CNTN3: variants seen among roughly 807,000 people sequenced by gnomAD.
CNTN3 encodes contactin-3.
CNTN3 carries 60 observed loss-of-function variants against 119.1 expected under a neutral mutation model. The observed-to-expected ratio is 0.50, with a 90% confidence interval of 0.41 to 0.62. The LOEUF (loss-of-function observed/expected upper bound fraction) is 0.62, where lower values mean the gene tolerates loss of function less well. Among genes scored for constraint, CNTN3 ranks in the 20% least tolerant of loss-of-function variants. The probability of loss-of-function intolerance (pLI) is 0.00; values close to 1 mark genes in which losing one functional copy is unlikely to be tolerated. For synonymous variants in CNTN3, 450 were observed against 438.7 expected (o/e 1.03, Z -0.32); for missense variants, 1,101 against 1,242.4 (o/e 0.89, Z 1.71).
chr3:74,349,605 C>G (rs1269169115), intron 11 of CNTN3, among the ~76,000 whole-genome samples: 1 of 152,114 alleles, frequency 6.6e-6, no homozygotes, highest in East Asian at 1.9e-4. Context: ...TTAAAACAGT[C>G]AATTTTCTTA....
rs182387246 is a variant in CNTN3 at position 74,547,158 on chromosome 3, C to T, written c.-80-25966G>A. On this transcript the variant is annotated intron_variant, in intron 1 of 22. Transcript: ENST00000263665. ...ATTCATTTACACGTACACATTCATGCACAAACATATACATACATTGAGGGT... is the reference window on the plus strand; with the variant it reads ...ATTCATTTACACGTACACATTCATGTACAAACATATACATACATTGAGGGT... Among the ~76,000 whole-genome samples the T allele has an allele frequency of 2.6e-5, 4 of 152,258 alleles. No individual in the cohort carries two copies. The East Asian group carries it at 7.7e-4, about 29-fold the overall frequency.
chr3:74,606,982 T>C (rs1243996748), intron 1 of CNTN3, among the ~76,000 whole-genome samples: 1 of 152,078 alleles, frequency 6.6e-6, no homozygotes, highest in African/African-American at 2.4e-5. Context: ...TGTACTCCAA[T>C]GAATAAAAGG....
intron 19 of CNTN3, among the ~76,000 whole-genome samples, chr3:74,285,790 G>GATATGTATATATATAT (rs1702099889): frequency 1.8e-5 from 1 of 56,514 alleles, no homozygotes; most frequent in Non-Finnish European, 4.0e-5. Context: ...ATGAAGGGGA[G>GATATGTATATATATAT]ATATATATAT....
chr3:74,574,659 T>C (rs992048841), intron 1 of CNTN3, among the ~76,000 whole-genome samples: 1 of 152,182 alleles, frequency 6.6e-6, no homozygotes, highest in Non-Finnish European at 1.5e-5. Context: ...CACATATAAC[T>C]TCAATCATTC....
intron 5 of CNTN3, among the ~76,000 whole-genome samples, chr3:74,423,992 T>A (rs1357406674): frequency 6.6e-6 from 1 of 152,210 alleles, no homozygotes; most frequent in Non-Finnish European, 1.5e-5. Context: ...TAAGTTTTAC[T>A]GTAATGAGAA....
intron 1 of CNTN3, among the ~76,000 whole-genome samples, chr3:74,612,686 C>T (rs1421524723): frequency 6.6e-6 from 1 of 152,176 alleles, no homozygotes; most frequent in Non-Finnish European, 1.5e-5. Context: ...CAGCAATTTG[C>T]TATATTTCCC....
rs1234893719 is a variant in CNTN3, at chr3:74,442,186, G to C, written c.359-17246C>G. Among the ~76,000 whole-genome samples the C allele has an allele frequency of 2.0e-3, 272 of 133,940 alleles. 2 individuals are homozygous for C. The highest frequency in any genetic ancestry group is 8.9e-3 in the African/African-American group (260 of 29,248). 87.9% of individuals were successfully genotyped at this position (133,940 alleles called of 152,430 possible). On this transcript the variant is annotated intron_variant, in intron 4 of 22. Transcript: ENST00000263665. ...ACACACACACACACACAGAGAGAGA[G>C]AGATTATTTTTATATCCCATGTGCT...
chr3:74,293,560 G>A (rs893002411), intron 19 of CNTN3, among the ~76,000 whole-genome samples: 4 of 151,998 alleles, frequency 2.6e-5, no homozygotes, highest in African/African-American at 9.7e-5. Context: ...CTGAAGCCTC[G>A]ACCTCCTGGG....
At chr3:74,307,450 T>C (rs898081950) in intron 13 of CNTN3, among the ~76,000 whole-genome samples, 8 of 152,190 alleles carry the variant, frequency 5.3e-5, no homozygotes, top group African/African-American at 1.9e-4. Flanking sequence ...TAAATGGATT[T>C]GTAAGCCAAA....
intron 10 of CNTN3, among the ~76,000 whole-genome samples, chr3:74,363,960 C>T (rs554634394): frequency 4.6e-4 from 70 of 152,080 alleles, no homozygotes; most frequent in Admixed American, 1.2e-3. Flanking sequence ...TCTTCTTTTT[C>T]TCCTATACCT....
chr3:74,289,043 C>A (rs372809708), intron 19 of CNTN3, among the ~76,000 whole-genome samples: 1 of 152,136 alleles, frequency 6.6e-6, no homozygotes, highest in Non-Finnish European at 1.5e-5. Flanking sequence ...AAGGAAGGAG[C>A]TATTAACAAT....
chr3:74,360,404 G>A (rs1404179203), intron 11 of CNTN3, among the ~76,000 whole-genome samples: 1 of 152,102 alleles, frequency 6.6e-6, no homozygotes, highest in Non-Finnish European at 1.5e-5. Context: ...CAAACAGAAT[G>A]GCTCCCAATC....
chr3:74,300,479 CTT>C, intron 16 of CNTN3, among the ~76,000 whole-genome samples: 1 of 152,150 alleles, frequency 6.6e-6, no homozygotes, highest in South Asian at 2.1e-4. Flanking sequence ...GAAGGTGGGT[CTT>C]TGGTATGGTC....
At chr3:74,279,568 T>C (rs922252214) in intron 20 of CNTN3, among the ~76,000 whole-genome samples, 17 of 151,382 alleles carry the variant, frequency 1.1e-4, no homozygotes, top group African/African-American at 3.2e-4. Context: ...TATGTTCTCA[T>C]TGATATGTGG....
intron 4 of CNTN3, among the ~76,000 whole-genome samples, chr3:74,458,778 T>C (rs1702313827): frequency 6.6e-6 from 1 of 152,060 alleles, no homozygotes; most frequent in Non-Finnish European, 1.5e-5. Flanking sequence ...CACTGGTATA[T>C]TTGTCAACAC....
chr3:74,453,410 T>C (rs1235624343), intron 4 of CNTN3, among the ~76,000 whole-genome samples: 6 of 152,098 alleles, frequency 3.9e-5, no homozygotes, highest in Non-Finnish European at 4.4e-5. Context: ...TCTCTCTTTT[T>C]TTCTTTATTA....
At chr3:74,342,360 G>T (rs1703570070) in intron 11 of CNTN3, among the ~76,000 whole-genome samples, 1 of 151,946 alleles carries the variant, frequency 6.6e-6, no homozygotes. Context: ...ATCCTATTTT[G>T]GGCTTTCATG....
intron 4 of CNTN3, among the ~76,000 whole-genome samples, chr3:74,476,141 T>A (rs971892425): frequency 6.6e-6 from 1 of 152,134 alleles, no homozygotes; most frequent in Non-Finnish European, 1.5e-5. Context: ...TCAATGTTAA[T>A]GAAGCAACAA....
intron 13 of CNTN3, among the ~76,000 whole-genome samples, chr3:74,320,304 G>A (rs1166177686): frequency 6.6e-6 from 1 of 152,182 alleles, no homozygotes; most frequent in East Asian, 1.9e-4. Flanking sequence ...TTAAGAAAAT[G>A]TGGCACATAT....
Sources: gnomAD v4.1 joint callset for allele counts (sites outside exome capture counted in the v4.1 genomes callset) on GRCh38, gnomAD v4.1.1 for gene constraint, MANE v1.5 for transcripts, NCBI Gene and HGNC (gene_info 2026-07-23, HGNC 2026-07-21) for gene names.